AKAP6: variants seen among roughly 807,000 people sequenced by gnomAD.
AKAP6 encodes A-kinase anchoring protein 6, also known as A-kinase anchor protein 6.
In AKAP6, 58 loss-of-function variants were observed where a neutral mutation model predicts 188.5. That is an observed-to-expected ratio of 0.31 (90% CI 0.25 to 0.38). The LOEUF (loss-of-function observed/expected upper bound fraction) is 0.38. AKAP6 is among the 10% of genes least tolerant of loss of function. The pLI, the probability that AKAP6 is intolerant of heterozygous loss-of-function variation, is 1.00. For synonymous variants in AKAP6, 989 were observed against 998.6 expected, an observed-to-expected ratio of 0.99 and a Z score of 0.18; for missense variants, 2,710 against 2,740.0, an observed-to-expected ratio of 0.99 and a Z score of 0.24.
chr14:32,382,903 C>T (rs1478114928), intron 1 of AKAP6, among the ~76,000 whole-genome samples: 4 of 152,128 alleles, frequency 2.6e-5, no homozygotes, highest in African/African-American at 7.2e-5. Context: ...AAGAGTGCTG[C>T]TGCCACCACC....
At chr14:32,615,676 A>C (rs1027782394) in intron 7 of AKAP6, among the ~76,000 whole-genome samples, 4 of 148,234 alleles carry the variant, frequency 2.7e-5, no homozygotes, top group Non-Finnish European at 5.9e-5. Flanking sequence ...GCTCACTGCA[A>C]GCTCCGCCTC....
At chr14:32,350,195 C>T (rs1188948368) in intron 1 of AKAP6, among the ~76,000 whole-genome samples, 2 of 152,136 alleles carry the variant, frequency 1.3e-5, no homozygotes, top group African/African-American at 4.8e-5. Flanking sequence ...AGTAGCTTTA[C>T]AGTAGTGAAA....
rs772993580 is a variant in AKAP6 at position 32,821,446 on chromosome 14, G to A, written c.3633G>A (p.Gly1211=). The A allele has an allele frequency of 2.5e-6, 4 of 1,613,206 alleles. No individual in the cohort carries two copies. In the African/African-American group the frequency reaches 5.3e-5, roughly 22 times the overall value. Residue 1211 remains glycine, a synonymous_variant, in exon 13 of 14, where the codon GGG becomes GGA. Coordinates refer to ENST00000280979, the MANE Select transcript of AKAP6 (RefSeq NM_004274.5). ...ATCCTGGCTTGATGGACCTAAATGG[G>A]ATGAGTGAGGATGCCCTGGAATGGG... The part of the protein sequence containing the change: ...VIDPGLMDLN[G]MSEDALEWDE...
intron 12 of AKAP6, among the ~76,000 whole-genome samples, chr14:32,795,485 A>T (rs570358003): frequency 2.0e-5 from 3 of 152,236 alleles, no homozygotes. Flanking sequence ...TTGGTTCAAC[A>T]TATGTGAGTC....
chr14:32,606,552 T>A (rs1886133752), intron 7 of AKAP6, among the ~76,000 whole-genome samples: 1 of 152,200 alleles, frequency 6.6e-6, no homozygotes, highest in Non-Finnish European at 1.5e-5. Flanking sequence ...TCACCCTTTT[T>A]AAAGAAACAG....
At chr14:32,372,776 G>C (rs1334711657) in intron 1 of AKAP6, among the ~76,000 whole-genome samples, 1 of 46,602 alleles carries the variant, frequency 2.1e-5, no homozygotes, top group Non-Finnish European at 5.6e-5. Context: ...TGCTCTGTGT[G>C]TGTGTGTGTG....
intron 2 of AKAP6, among the ~76,000 whole-genome samples, chr14:32,456,051 T>C (rs1420008592): frequency 6.6e-6 from 1 of 152,050 alleles, no homozygotes; most frequent in Non-Finnish European, 1.5e-5. Context: ...TTTTCGGTGG[T>C]AGAGGAGCAT....
chr14:32,454,648 CT>C (rs1891060651), intron 2 of AKAP6, among the ~76,000 whole-genome samples: 1 of 132,258 alleles, frequency 7.6e-6, no homozygotes. Context: ...TCCCTCCCTC[CT>C]TCCCTCTCTC....
At chr14:32,741,503 A>G (rs2031671443) in intron 11 of AKAP6, among the ~76,000 whole-genome samples, 1 of 151,922 alleles carries the variant, frequency 6.6e-6, no homozygotes, top group South Asian at 2.1e-4. Context: ...GCTCGGTCGT[A>G]TATAGCTTTT....
Position 32,392,047 on chromosome 14 carries a change from G to T in AKAP6, c.-34-41413G>T, listed in dbSNP as rs535659190. On this transcript the variant is annotated intron_variant, in intron 1 of 13. Coordinates refer to ENST00000280979, the MANE Select transcript of AKAP6 (RefSeq NM_004274.5). Reference sequence around the variant, plus strand: ...AAAAAAAAATCATCCAGGATTTGGGGAAACCCAAAGTGGAAAACAACTAGT... The same window carrying T: ...AAAAAAAAATCATCCAGGATTTGGGTAAACCCAAAGTGGAAAACAACTAGT... Among the ~76,000 whole-genome samples the T allele has an allele frequency of 7.9e-5, 12 of 152,230 alleles. No homozygotes were observed. The South Asian group carries it at 2.5e-3, about 32-fold the overall frequency.
At chr14:32,540,673 C>A (rs943408480) in intron 3 of AKAP6, among the ~76,000 whole-genome samples, 1 of 152,140 alleles carries the variant, frequency 6.6e-6, no homozygotes, top group Non-Finnish European at 1.5e-5. Flanking sequence ...ATTATGTATA[C>A]ACGTTAGAAA....
intron 7 of AKAP6, among the ~76,000 whole-genome samples, chr14:32,607,899 A>G (rs941535034): frequency 4.6e-5 from 7 of 152,178 alleles, no homozygotes; most frequent in Non-Finnish European, 1.0e-4. Context: ...GGATTTTTCA[A>G]TAGCCCCTTT....
At chr14:32,618,875 T>C (rs2139411110) in intron 7 of AKAP6, among the ~76,000 whole-genome samples, 1 of 152,344 alleles carries the variant, frequency 6.6e-6, no homozygotes, top group Admixed American at 6.5e-5. Context: ...TTTGACCTTT[T>C]AATAATGGCC....
At chr14:32,521,787 C>A (rs1281728215) in intron 2 of AKAP6, among the ~76,000 whole-genome samples, 2 of 152,098 alleles carry the variant, frequency 1.3e-5, no homozygotes, top group Non-Finnish European at 2.9e-5. Flanking sequence ...GATTCAATGC[C>A]ATCCCCATCA....
chr14:32,663,335 C>A (rs1888783418), intron 7 of AKAP6, among the ~76,000 whole-genome samples: 1 of 151,946 alleles, frequency 6.6e-6, no homozygotes, highest in African/African-American at 2.4e-5. Context: ...CATATCAGAC[C>A]CCCTGCTTGC....
intron 7 of AKAP6, among the ~76,000 whole-genome samples, chr14:32,627,774 C>T (rs1887086982): frequency 6.6e-6 from 1 of 152,090 alleles, no homozygotes; most frequent in Non-Finnish European, 1.5e-5. Flanking sequence ...ACACCACATG[C>T]AAAGCCCAGT....
chr14:32,437,134 T>C (rs1890407045), intron 2 of AKAP6, among the ~76,000 whole-genome samples: 1 of 152,192 alleles, frequency 6.6e-6, no homozygotes, highest in Admixed American at 6.5e-5. Flanking sequence ...TGACAGCTTT[T>C]CCTGTTCCTT....
chr14:32,510,932 C>T (rs1029345999), intron 2 of AKAP6, among the ~76,000 whole-genome samples: 2 of 152,098 alleles, frequency 1.3e-5, no homozygotes, highest in Non-Finnish European at 2.9e-5. Context: ...TTGAGCTTTG[C>T]ACCAACCTGA....
chr14:32,523,588 C>T (rs1029087700), intron 2 of AKAP6, among the ~76,000 whole-genome samples: 2 of 151,782 alleles, frequency 1.3e-5, no homozygotes, highest in East Asian at 3.9e-4. Context: ...CCCACCTCAG[C>T]TTCCTGAATA....
Sources: allele counts gnomAD v4.1 joint callset (sites outside exome capture counted in the v4.1 genomes callset), GRCh38; gene constraint gnomAD v4.1.1; transcripts MANE v1.5; gene names NCBI Gene and HGNC (gene_info 2026-07-23, HGNC 2026-07-21).